Variants in ARID2 observed in about 807,000 individuals in gnomAD.
ARID2 encodes AT-rich interactive domain-containing protein 2.
In ARID2, 32 loss-of-function variants were observed where a neutral mutation model predicts 184.6. That is an observed-to-expected ratio of 0.17 (90% CI 0.13 to 0.23). ARID2 has a LOEUF of 0.23. ARID2 is among the 10% of genes least tolerant of loss of function. The probability of loss-of-function intolerance (pLI) is 1.00; values close to 1 mark genes in which losing one functional copy is unlikely to be tolerated. For synonymous variants in ARID2, 836 were observed against 772.6 expected (o/e 1.08, Z -1.36); for missense variants, 1,696 against 2,197.6 (o/e 0.77, Z 4.56).
chr12:45,834,617 C>T (rs1943181332), intron 6 of ARID2, among the ~76,000 whole-genome samples: 1 of 152,138 alleles, frequency 6.6e-6, no homozygotes, highest in Admixed American at 6.5e-5. Context: ...GTGGCACGCA[C>T]CTATAATCCC....
chr12:45,843,508 A>G (rs1419742459), intron 11 of ARID2, among the ~76,000 whole-genome samples: 1 of 151,794 alleles, frequency 6.6e-6, no homozygotes, highest in Non-Finnish European at 1.5e-5. Context: ...CTGGGACTAC[A>G]GGTGGCCACC....
At chr12:45,892,245 A>G in intron 18 of ARID2, 149 bp downstream of exon 18, 3 of 744,706 alleles carry the variant, frequency 4.0e-6, no homozygotes, top group South Asian at 3.8e-5. Flanking sequence ...ACCCTGTTCA[A>G]ATTGCTTAGA....
chr12:45,802,520 C>T (rs1942524483), intron 3 of ARID2, among the ~76,000 whole-genome samples: 2 of 151,986 alleles, frequency 1.3e-5, no homozygotes, highest in African/African-American at 4.8e-5. Flanking sequence ...GTTAGAATTT[C>T]ACCTTTATTG....
chr12:45,859,951 C>T (rs549248254), intron 15 of ARID2, among the ~76,000 whole-genome samples: 8 of 152,274 alleles, frequency 5.3e-5, no homozygotes, highest in African/African-American at 1.9e-4. Context: ...AGGTTGGTCT[C>T]GAACTCCTGA....
chr12:45,855,643 G>C (rs537804125), intron 15 of ARID2, among the ~76,000 whole-genome samples: 1 of 152,274 alleles, frequency 6.6e-6, no homozygotes, highest in South Asian at 2.1e-4. Flanking sequence ...TGAAGAGAAG[G>C]TTGTTGGGCC....
chr12:45,784,215 C>G (rs1942150424), intron 3 of ARID2, among the ~76,000 whole-genome samples: 1 of 151,768 alleles, frequency 6.6e-6, no homozygotes. Context: ...AGATGAGGGT[C>G]TTGCTGTGTG....
In ARID2 at chr12:45,839,509, A is replaced by C. The variant is rs2138137855; in HGVS notation, c.1498+13A>C. 1 of 1,603,922 alleles carries C rather than the reference A, an allele frequency of 6.2e-7. No individual in the cohort carries two copies. The highest frequency in any genetic ancestry group is 8.5e-7 in the Non-Finnish European group (1 of 1,176,384). Reference sequence around the variant, plus strand: ...GCATCTGCCCCAGGTTAGTGTTTTCACATATTCTTTTTCAGTGTGGTTACG... The same window carrying C: ...GCATCTGCCCCAGGTTAGTGTTTTCCCATATTCTTTTTCAGTGTGGTTACG... On this transcript the variant is annotated intron_variant, in intron 11 of 20. Coordinates refer to ENST00000334344, the MANE Select transcript of ARID2 (RefSeq NM_152641.4).
intron 3 of ARID2, among the ~76,000 whole-genome samples, chr12:45,797,055 T>A (rs906641909): frequency 6.6e-6 from 1 of 152,192 alleles, no homozygotes; most frequent in Admixed American, 6.5e-5. Context: ...AATATTACTT[T>A]GTTTTAAAAA....
chr12:45,756,919 C>T (rs560895182), intron 3 of ARID2, among the ~76,000 whole-genome samples: 1 of 152,230 alleles, frequency 6.6e-6, no homozygotes, highest in South Asian at 2.1e-4. Context: ...AAAAAAAGAG[C>T]AGAGGCGGTT....
intron 3 of ARID2, among the ~76,000 whole-genome samples, chr12:45,738,779 C>CTTTTTTTTTTTTTTTTTTTT (rs11333868): frequency 3.2e-5 from 2 of 62,294 alleles, no homozygotes; most frequent in Non-Finnish European, 5.2e-5. Flanking sequence ...ATATGGGCTA[C>CTTTTTTTTTTTTTTTTTTTT]TTTTTTTTTT....
chr12:45,782,168 A>G (rs181130616), intron 3 of ARID2, among the ~76,000 whole-genome samples: 495 of 152,322 alleles, frequency 3.2e-3, no homozygotes, highest in African/African-American at 0.011. Context: ...GATTTGGCAC[A>G]TGCTACAAAA....
intron 19 of ARID2, 43 bp downstream of exon 19, chr12:45,893,586 T>C (rs1430927489): frequency 1.2e-6 from 2 of 1,606,872 alleles, no homozygotes; most frequent in Admixed American, 1.7e-5. Context: ...GTCTGAGTCC[T>C]GTATGATTTA....
intron 6 of ARID2, among the ~76,000 whole-genome samples, chr12:45,829,760 C>G (rs1369036067): frequency 7.1e-6 from 1 of 139,944 alleles, no homozygotes; most frequent in Non-Finnish European, 1.6e-5. Flanking sequence ...TATTGTCATT[C>G]TATTGTTTTC....
chr12:45,844,067 C>T (rs1044656611), intron 11 of ARID2, among the ~76,000 whole-genome samples: 3 of 152,118 alleles, frequency 2.0e-5, no homozygotes, highest in Admixed American at 6.5e-5. Flanking sequence ...GGGTCTCACT[C>T]GGTCACCCAG....
At chr12:45,850,014 G>C (rs372362202) in intron 14 of ARID2, 22 bp from the exon 15 acceptor site, 26 of 1,560,286 alleles carry the variant, frequency 1.7e-5, no homozygotes, top group Non-Finnish European at 2.2e-5. Flanking sequence ...TTGGAATTTT[G>C]ACGTTTTCTT....
At chr12:45,854,245 G>T (rs1202924604) in intron 15 of ARID2, among the ~76,000 whole-genome samples, 2 of 152,086 alleles carry the variant, frequency 1.3e-5, no homozygotes, top group Non-Finnish European at 2.9e-5. Flanking sequence ...ATGGCAAGTT[G>T]TATAATTATT....
At chr12:45,826,629 A>G (rs1198344868) in intron 6 of ARID2, among the ~76,000 whole-genome samples, 2 of 151,886 alleles carry the variant, frequency 1.3e-5, no homozygotes, top group Non-Finnish European at 2.9e-5. Context: ...ATGTTCCTCA[A>G]GGTAGTCTCA....
At chr12:45,776,909 A>C (rs906196187) in intron 3 of ARID2, among the ~76,000 whole-genome samples, 2 of 151,002 alleles carry the variant, frequency 1.3e-5, no homozygotes, top group African/African-American at 2.4e-5. Flanking sequence ...CAGCCTCCCA[A>C]GTAGCTGGGG....
chr12:45,884,428 T>C (rs1054488744), intron 16 of ARID2, among the ~76,000 whole-genome samples: 1 of 152,200 alleles, frequency 6.6e-6, no homozygotes, highest in African/African-American at 2.4e-5. Context: ...AACATTGTTA[T>C]AATACCTGAA....
Sources: allele counts gnomAD v4.1 joint callset (sites outside exome capture counted in the v4.1 genomes callset), GRCh38; gene constraint gnomAD v4.1.1; transcripts MANE v1.5; gene names NCBI Gene and HGNC (gene_info 2026-07-23, HGNC 2026-07-21).